Variants in EP400 observed in about 807,000 individuals in gnomAD.
EP400 encodes E1A-binding protein p400.
EP400 carries 105 observed loss-of-function variants against 354.1 expected under a neutral mutation model. The observed-to-expected ratio is 0.30, with a 90% CI of 0.25 to 0.35. EP400 has a LOEUF of 0.35. Among genes scored for constraint, EP400 ranks in the 10% least tolerant of loss-of-function variants. The pLI is 1.00. For synonymous variants in EP400, 1,646 were observed against 1,716.9 expected (o/e 0.96, Z 1.02); for missense variants, 3,280 against 4,121.0 (o/e 0.80, Z 5.59).
intron 12 of EP400, among the ~76,000 whole-genome samples, chr12:131,998,598 C>T (rs1032407962): frequency 2.0e-5 from 3 of 150,508 alleles, no homozygotes; most frequent in African/African-American, 7.3e-5. Flanking sequence ...TTTTATTTCT[C>T]TTATACTCAG....
chr12:132,048,831 T>C (rs549580850), intron 39 of EP400, among the ~76,000 whole-genome samples: 2 of 152,216 alleles, frequency 1.3e-5, no homozygotes, highest in Non-Finnish European at 2.9e-5. Flanking sequence ...ATTACAGGCA[T>C]GAACCACCAG....
chr12:132,036,922 A>G (rs1317445757), intron 30 of EP400, among the ~76,000 whole-genome samples: 2 of 152,062 alleles, frequency 1.3e-5, no homozygotes, highest in South Asian at 2.1e-4. Context: ...GCTGTTCCCT[A>G]TGATGGTTTC....
Position 131,960,596 on chromosome 12 carries a change from A to C in EP400, c.-24A>C, listed in dbSNP as rs779086446. The stretch of plus-strand genomic sequence containing the variant: ...ATTTTAATTTTTAGGAGAACGACAC[A>C]TTGGATACAGAAGGGAGGTGATCAT... On this transcript the variant is annotated 5_prime_UTR_variant, in exon 2 of 53. Coordinates refer to ENST00000389561, the MANE Select transcript of EP400 (RefSeq NM_015409.5). 1.3e-6 allele frequency: 2 copies of C among 1,565,538 alleles called. No individual in the cohort carries two copies. The highest frequency in any genetic ancestry group is 2.4e-5 in the South Asian group (2 of 85,008).
intron 27 of EP400, 115 bp downstream of exon 27, chr12:132,028,403 C>T: frequency 1.5e-6 from 2 of 1,309,170 alleles, no homozygotes; most frequent in South Asian, 1.3e-5. Context: ...CCCACGCTGT[C>T]CCTTAGCGGT....
chr12:132,061,680 A>C (rs572668979), intron 45 of EP400, among the ~76,000 whole-genome samples: 43 of 152,282 alleles, frequency 2.8e-4, no homozygotes, highest in Non-Finnish European at 5.3e-4. Context: ...ACAAGACCCC[A>C]CGCACATGGT....
Position 132,021,313 on chromosome 12 carries a change from G to A in EP400, c.4682G>A (p.Arg1561His), listed in dbSNP as rs1392923724. 13 of 1,517,744 alleles carry A rather than the reference G, an allele frequency of 8.6e-6. No individual in the cohort carries two copies. The highest frequency in any genetic ancestry group is 1.4e-5 in the African/African-American group (1 of 71,232). 94.0% of individuals were successfully genotyped at this position (1,517,744 alleles called of 1,614,324 possible). Residue 1561 changes from arginine to histidine, a missense_variant, in exon 23 of 53, where the codon CGC (arginine) becomes CAC (histidine). Physicochemically the swap from Arg to His is conservative, Grantham distance 29 (BLOSUM62 0). Transcript: ENST00000389561. The stretch of plus-strand genomic sequence containing the variant: ...GTGCTCCCCTCGCAGGCCCAGGCCC[G>A]CTTGCCCAGTAAGTGGCCTCACCTT... ...RLVLPSQAQA[R>H]LPSGEVVKIA...
chr12:132,005,352 T>C (rs1215969413), intron 13 of EP400, among the ~76,000 whole-genome samples, 168 bp downstream of exon 13: 1 of 152,264 alleles, frequency 6.6e-6, no homozygotes, highest in Non-Finnish European at 1.5e-5. Flanking sequence ...ATTCCGTGCT[T>C]TTAATTTATT....
intron 12 of EP400, among the ~76,000 whole-genome samples, chr12:132,003,223 C>T (rs1304965405): frequency 6.8e-6 from 1 of 147,582 alleles, no homozygotes; most frequent in African/African-American, 2.5e-5. Context: ...ACCAAAAAAA[C>T]CCCCCAAACC....
intron 2 of EP400, among the ~76,000 whole-genome samples, chr12:131,962,405 TA>T (rs1446534596): frequency 6.6e-6 from 1 of 152,224 alleles, no homozygotes; most frequent in Non-Finnish European, 1.5e-5. Flanking sequence ...TAGATCTCCT[TA>T]AAAACACCAT....
At chr12:132,033,074 A>G (rs2136560308) in intron 30 of EP400, among the ~76,000 whole-genome samples, 1 of 152,064 alleles carries the variant, frequency 6.6e-6, no homozygotes, top group East Asian at 1.9e-4. Flanking sequence ...CAGCCCCCCG[A>G]GGAGCTGAGG....
rs1004185476 is a variant in EP400 at position 132,053,613 on chromosome 12, C to T, written c.7728+16C>T. 2.0e-6 allele frequency: 3 copies of T among 1,509,674 alleles called. No homozygotes were observed. The highest frequency in any genetic ancestry group is 1.4e-5 in the African/African-American group (1 of 71,238). 93.5% of individuals were successfully genotyped at this position (1,509,674 alleles called of 1,614,324 possible). On this transcript the variant is annotated intron_variant, in intron 43 of 52. Transcript: ENST00000389561. ...AGCCGTACTGGTGAGCAGGGGCCTC[C>T]TCCCGGGCTTCCCCTCTACGGGAAG...
Position 132,052,794 on chromosome 12 carries a change from C to T in EP400, c.7395-352C>T, listed in dbSNP as rs77928697. Among the ~76,000 whole-genome samples, 3,601 of 152,200 alleles carry T rather than the reference C, an allele frequency of 0.024. 156 individuals are homozygous for T. Among genetic ancestry groups the T allele is most frequent in the African/African-American group, 0.083 (3,427 of 41,510 alleles). On this transcript the variant is annotated intron_variant, in intron 41 of 52. Transcript: ENST00000389561. The surrounding 1 kb of genome is among the most constrained non-coding windows in gnomAD (Gnocchi z 4.4). ...CCCTTTACCTCCCTGGAGAGGAACT[C>T]GAGGGCATCCTCACAGAAGGAACAG...
At chr12:132,001,501 A>T (rs1319558779) in intron 12 of EP400, among the ~76,000 whole-genome samples, 2 of 152,220 alleles carry the variant, frequency 1.3e-5, no homozygotes, top group Non-Finnish European at 2.9e-5. Context: ...GCACAGCATC[A>T]CAGGGAGACG....
intron 2 of EP400, among the ~76,000 whole-genome samples, chr12:131,975,340 C>G (rs554711212): frequency 6.6e-6 from 1 of 152,186 alleles, no homozygotes; most frequent in Admixed American, 6.5e-5. Context: ...CTGTCTGTTC[C>G]CCATTGGATT....
At position 132,006,128 on chromosome 12, in the gene EP400, A is replaced by T. The variant is rs752858753; in HGVS notation, c.2952A>T (p.Pro984=). ...TSGEEDADDC[P]GDRESRKDLV... ...TCGTTACAGATGCAGATGACTGTCC[A>T]GGCGACAGGGAGAGTCGCAAGGACT... The change falls in exon 14 of 53, where the codon CCA becomes CCT. Residue 984 remains proline, a synonymous_variant. Coordinates refer to ENST00000389561, the MANE Select transcript of EP400 (RefSeq NM_015409.5). 2 of 1,613,998 alleles carry T rather than the reference A, an allele frequency of 1.2e-6. No homozygotes were observed. Among genetic ancestry groups the T allele is most frequent in the Non-Finnish European group, 1.7e-6 (2 of 1,179,860 alleles).
At chr12:131,988,160 C>T (rs1376097870) in intron 7 of EP400, among the ~76,000 whole-genome samples, 3 of 151,970 alleles carry the variant, frequency 2.0e-5, no homozygotes, top group Non-Finnish European at 4.4e-5. Context: ...GCGTGAACCA[C>T]TGTGCCTGGC....
chr12:132,007,187 C>G (rs192137551), intron 15 of EP400, among the ~76,000 whole-genome samples: 1 of 152,344 alleles, frequency 6.6e-6, no homozygotes, highest in East Asian at 1.9e-4. Flanking sequence ...TGGTCCACTT[C>G]CCATGCTGCT....
In EP400 at chr12:132,035,144, A is replaced by C. The variant is rs187155561; in HGVS notation, c.5952-2538A>C. ...GCCAGAAAGTGTGAGAGGCCGCTCC[A>C]GCTCACTGGTCTGGAGAAGGAAGGA... is the stretch of plus-strand genomic sequence containing the variant. On this transcript the variant is annotated intron_variant, in intron 30 of 52. Transcript: ENST00000389561. Among the ~76,000 whole-genome samples, 9 of 152,350 alleles carry C rather than the reference A, an allele frequency of 5.9e-5. No individual in the cohort carries two copies. The East Asian group carries it at 1.7e-3, about 29-fold the overall frequency.
intron 47 of EP400, among the ~76,000 whole-genome samples, chr12:132,063,697 C>T (rs547404364): frequency 2.3e-4 from 35 of 152,198 alleles, no homozygotes; most frequent in East Asian, 1.4e-3. Context: ...CTGCAGGAGA[C>T]GCACACTCAG....
Sources: gnomAD v4.1 joint callset for allele counts (sites outside exome capture counted in the v4.1 genomes callset) on GRCh38, gnomAD v4.1.1 for gene constraint, Gnocchi (gnomAD v3.1) non-coding constraint, MANE v1.5 for transcripts, NCBI Gene and HGNC (gene_info 2026-07-23, HGNC 2026-07-21) for gene names.